The following SIRPA variants were observed in gnomAD, a reference collection of about 807,000 sequenced individuals.
SIRPA encodes the protein tyrosine-protein phosphatase non-receptor type substrate 1.
A neutral mutation model predicts 50.3 loss-of-function variants in SIRPA; 9 were observed. The ratio of observed to expected loss-of-function variants is 0.18; its 90% confidence interval spans 0.11 to 0.31. SIRPA has a LOEUF of 0.31. Ranked by LOEUF, SIRPA falls within the 10% of genes least tolerant of loss-of-function variation. The probability of loss-of-function intolerance (pLI) is 1.00; values close to 1 mark genes in which losing one functional copy is unlikely to be tolerated. For synonymous variants in SIRPA, 265 were observed against 284.1 expected, an observed-to-expected ratio of 0.93 and a Z score of 0.68; for missense variants, 474 against 661.6, an observed-to-expected ratio of 0.72 and a Z score of 3.11.
At chr20:1,935,018 T>C (rs1438203876) in intron 7 of SIRPA, among the ~76,000 whole-genome samples, 1 of 152,208 alleles carries the variant, frequency 6.6e-6, no homozygotes, top group Non-Finnish European at 1.5e-5. Flanking sequence ...ATGAAAATGG[T>C]GCCCTGGAGT....
chr20:1,907,234 T>G (rs534679370), intron 1 of SIRPA, among the ~76,000 whole-genome samples: 57 of 152,296 alleles, frequency 3.7e-4, no homozygotes, highest in Admixed American at 1.7e-3. Context: ...TCAGCTTATT[T>G]ACCAGGCCAC....
At position 1,927,239 on chromosome 20, in the gene SIRPA, C is replaced by T. The variant is rs1383461071; in HGVS notation, c.1202-636C>T. Among the ~76,000 whole-genome samples, 32 of 152,200 alleles carry T rather than the reference C, an allele frequency of 2.1e-4. No homozygotes were observed. The highest frequency in any genetic ancestry group is 1.9e-4 in the East Asian group (1 of 5,194). The stretch of plus-strand genomic sequence containing the variant: ...ATTTTACAGCAAAATGGGAGTCAAA[C>T]GGCTGCTGAACCCTGGAGGCTTCTC... On this transcript the variant is annotated intron_variant, in intron 5 of 7. Coordinates refer to ENST00000358771, the MANE Select transcript of SIRPA (RefSeq NM_001040023.2). This position sits in a 1 kb window ranked among gnomAD's most constrained non-coding sequence, Gnocchi z 6.5.
At chr20:1,896,266 G>A (rs948916831) in intron 1 of SIRPA, among the ~76,000 whole-genome samples, 1 of 152,202 alleles carries the variant, frequency 6.6e-6, no homozygotes, top group Non-Finnish European at 1.5e-5. Context: ...CAGGTGCTCC[G>A]CGGGGATGTT....
intron 1 of SIRPA, 97 bp from the exon 2 acceptor site, chr20:1,915,002 G>C: frequency 2.0e-6 from 2 of 1,003,862 alleles, no homozygotes; most frequent in Non-Finnish European, 3.0e-6. Context: ...CCTGCTTCTG[G>C]TGTGCATCCA....
intron 3 of SIRPA, 109 bp from the exon 4 acceptor site, chr20:1,922,204 A>C: frequency 7.3e-7 from 1 of 1,373,756 alleles, no homozygotes; most frequent in Non-Finnish European, 1.0e-6. Context: ...ATGCCTGCCT[A>C]GCTCTGTCCT....
intron 3 of SIRPA, 61 bp downstream of exon 3, chr20:1,921,773 C>T: frequency 6.2e-7 from 1 of 1,604,968 alleles, no homozygotes; most frequent in Non-Finnish European, 8.5e-7. Flanking sequence ...CCCCACCACC[C>T]TCCACTCATC....
At chr20:1,920,011 G>A (rs1014710184) in intron 2 of SIRPA, among the ~76,000 whole-genome samples, 5 of 152,190 alleles carry the variant, frequency 3.3e-5, no homozygotes, top group African/African-American at 1.2e-4. Flanking sequence ...TTAAGCACCT[G>A]CTGCATACCA....
At chr20:1,895,376 C>T (rs1014945587), upstream of SIRPA, 21 of 917,980 alleles carry the variant, frequency 2.3e-5, no homozygotes, top group Middle Eastern at 7.2e-4. Context: ...TAGTCATTTC[C>T]CCGCTCCAGC....
upstream of SIRPA, chr20:1,894,930 C>G (rs1239850633): frequency 3.4e-5 from 5 of 146,724 alleles, no homozygotes; most frequent in Non-Finnish European, 7.6e-5. This position sits in a 1 kb window ranked among gnomAD's most constrained non-coding sequence, Gnocchi z 4.0. Flanking sequence ...GGGAGCGAGC[C>G]CAGCCGCCCG....
In SIRPA at chr20:1,927,178, AGTGCATTTGGGT is replaced by A. The variant is rs1447548884; in HGVS notation, c.1202-690_1202-679del. On this transcript the variant is annotated intron_variant, in intron 5 of 7. Coordinates refer to ENST00000358771, the MANE Select transcript of SIRPA (RefSeq NM_001040023.2). This position sits in a 1 kb window ranked among gnomAD's most constrained non-coding sequence, Gnocchi z 6.5. ...TCCAGCCTATTAAAGTGCGGTGCAGAGTGCATTTGGGTGTGCATGTTGCTTTTTAATTACAAT... is the reference window on the plus strand; with the variant it reads ...TCCAGCCTATTAAAGTGCGGTGCAGAGTGCATGTTGCTTTTTAATTACAAT... Among the ~76,000 whole-genome samples, 1 of 152,224 alleles carries A rather than the reference AGTGCATTTGGGT, an allele frequency of 6.6e-6. No individual in the cohort carries two copies. The highest frequency in any genetic ancestry group is 2.4e-5 in the African/African-American group (1 of 41,464).
At chr20:1,915,647 G>GT (rs1315138397) in intron 2 of SIRPA, among the ~76,000 whole-genome samples, 192 bp downstream of exon 2, 1 of 152,234 alleles carries the variant, frequency 6.6e-6, no homozygotes, top group African/African-American at 2.4e-5. Context: ...TCCACAGCTG[G>GT]TAAAGGGTGG....
At position 1,933,401 on chromosome 20, in the gene SIRPA, A is replaced by AC. The variant is rs11395264; in HGVS notation, c.1227-1304dup. ...CATGAAGTACATAACATCAAATGCC[A>AC]CCCCCCCCCCGAAATATCTGGTGGG... is the stretch of plus-strand genomic sequence containing the variant. On this transcript the variant is annotated intron_variant, in intron 6 of 7. Transcript: ENST00000358771. The surrounding 1 kb of genome is among the most constrained non-coding windows in gnomAD (Gnocchi z 4.4). 0.13 allele frequency among the ~76,000 whole-genome samples: 18,069 copies of AC among 139,490 alleles called. 1,598 individuals are homozygous for AC. The highest frequency in any genetic ancestry group is 0.26 in the African/African-American group (9,774 of 38,064). 91.5% of individuals were successfully genotyped at this position (139,490 alleles called of 152,430 possible).
chr20:1,917,110 C>T (rs994039071), intron 2 of SIRPA, among the ~76,000 whole-genome samples: 4 of 152,180 alleles, frequency 2.6e-5, no homozygotes, highest in Admixed American at 6.5e-5. Flanking sequence ...GCCATGCTGT[C>T]AGCCTAAATG....
intron 6 of SIRPA, among the ~76,000 whole-genome samples, chr20:1,930,693 T>A (rs1986254669): frequency 2.0e-5 from 3 of 152,204 alleles, no homozygotes; most frequent in Non-Finnish European, 2.9e-5. Flanking sequence ...TAGGTTCAGA[T>A]GATTCTCCTG....
At chr20:1,917,463 C>G (rs1166147930) in intron 2 of SIRPA, among the ~76,000 whole-genome samples, 2 of 152,126 alleles carry the variant, frequency 1.3e-5, no homozygotes, top group Non-Finnish European at 2.9e-5. Flanking sequence ...ATGCTTGAAC[C>G]CAGGAGACGG....
intron 1 of SIRPA, among the ~76,000 whole-genome samples, chr20:1,907,857 A>C (rs1984637576): frequency 6.6e-6 from 1 of 152,116 alleles, no homozygotes; most frequent in South Asian, 2.1e-4. Context: ...TTGGAGCCCC[A>C]AGCTCTCTTC....
rs776903715 is a variant in SIRPA, at chr20:1,915,409, T to C, written c.390T>C (p.Asp130=). 65 of 1,522,466 alleles carry C rather than the reference T, an allele frequency of 4.3e-5. No individual in the cohort carries two copies. Among genetic ancestry groups the C allele is most frequent in the African/African-American group, 3.7e-4 (20 of 53,532 alleles). 94.3% of individuals were successfully genotyped at this position (1,522,466 alleles called of 1,614,324 possible). A position where few individuals can be genotyped will look rare whatever the true frequency, so the allele number is the denominator to read the frequency against. ...TGAAGTTCCGGAAAGGGAGCCCCGA[T>C]GACGTGGAGTTTAAGTCTGGAGCAG... ...YCVKFRKGSP[D]DVEFKSGAGT... is the part of the protein sequence containing the mutation. The change falls in exon 2 of 8, where the codon GAT becomes GAC. Residue 130 remains aspartate, a synonymous_variant. Coordinates refer to ENST00000358771, the MANE Select transcript of SIRPA (RefSeq NM_001040023.2).
At chr20:1,916,286 G>A (rs550473061) in intron 2 of SIRPA, among the ~76,000 whole-genome samples, 1 of 152,204 alleles carries the variant, frequency 6.6e-6, no homozygotes, top group Non-Finnish European at 1.5e-5. Context: ...CATTAGTACA[G>A]GAAGGACCCT....
Position 1,939,547 on chromosome 20 carries a change from C to T in SIRPA, c.*1979C>T, listed in dbSNP as rs766639601. 4.6e-5 allele frequency: 7 copies of T among 152,332 alleles called. No individual in the cohort carries two copies. The highest frequency in any genetic ancestry group is 8.8e-5 in the Non-Finnish European group (6 of 68,028). The allele number at this position is 152,332 out of a possible 1,614,324, so 9.4% of individuals were successfully genotyped here. A position where few individuals can be genotyped will look rare whatever the true frequency, so the allele number is the denominator to read the frequency against. On this transcript the variant is annotated 3_prime_UTR_variant, in exon 8 of 8. Transcript: ENST00000358771. This position sits in a 1 kb window ranked among gnomAD's most constrained non-coding sequence, Gnocchi z 4.7. ...CTCTTTTACCCAGAGACAGCACATA[C>T]GTGTGCACACGCATGCACACACACA...
Sources: allele counts gnomAD v4.1 joint callset (sites outside exome capture counted in the v4.1 genomes callset), GRCh38; gene constraint gnomAD v4.1.1; non-coding constraint Gnocchi (gnomAD v3.1); transcripts MANE v1.5; gene names NCBI Gene and HGNC (gene_info 2026-07-23, HGNC 2026-07-21).